The following CLCN3 variants were observed in gnomAD, a reference collection of about 807,000 sequenced individuals.
The protein encoded by CLCN3 is H(+)/Cl(-) exchange transporter 3.
Under a neutral mutation model 83.4 loss-of-function variants are expected in CLCN3, and 16 were observed. The observed-to-expected ratio is 0.19, with a 90% CI of 0.13 to 0.29. The LOEUF (loss-of-function observed/expected upper bound fraction) is 0.29. Among genes scored for constraint, CLCN3 ranks in the 10% least tolerant of loss-of-function variants. The probability of loss-of-function intolerance (pLI) is 1.00; values close to 1 mark genes in which losing one functional copy is unlikely to be tolerated. For synonymous variants in CLCN3, 322 were observed against 346.2 expected (o/e 0.93, Z 0.78); for missense variants, 544 against 1,006.0 (o/e 0.54, Z 6.21).
At chr4:169,624,179 G>A (rs1392987317) in intron 1 of CLCN3, among the ~76,000 whole-genome samples, 1 of 152,090 alleles carries the variant, frequency 6.6e-6, no homozygotes, top group East Asian at 1.9e-4. Flanking sequence ...TGTTACCCCA[G>A]CTGGAGTGTA....
chr4:169,625,345 G>A (rs13132905), intron 1 of CLCN3, among the ~76,000 whole-genome samples: 1 of 152,124 alleles, frequency 6.6e-6, no homozygotes, highest in Admixed American at 6.5e-5. Flanking sequence ...GTGGTCCTCA[G>A]CTGTACCCAG....
chr4:169,636,953 C>T (rs1730222301), intron 2 of CLCN3, among the ~76,000 whole-genome samples: 1 of 151,790 alleles, frequency 6.6e-6, no homozygotes, highest in African/African-American at 2.4e-5. Flanking sequence ...TTCAAAGATA[C>T]TACCAAAGTG....
At chr4:169,694,947 A>G (rs1466860079) in intron 7 of CLCN3, among the ~76,000 whole-genome samples, 1 of 152,220 alleles carries the variant, frequency 6.6e-6, no homozygotes, top group Non-Finnish European at 1.5e-5. Context: ...GAAGTAGACC[A>G]TTACCAACTG....
chr4:169,648,888 G>A (rs377294876), intron 2 of CLCN3, among the ~76,000 whole-genome samples: 3 of 152,178 alleles, frequency 2.0e-5, no homozygotes, highest in South Asian at 4.1e-4. Context: ...TTAGCCAGGT[G>A]TGGTGGTGCA....
At chr4:169,686,028 A>G (rs1236382150) in intron 3 of CLCN3, among the ~76,000 whole-genome samples, 4 of 152,132 alleles carry the variant, frequency 2.6e-5, no homozygotes, top group Non-Finnish European at 5.9e-5. Context: ...TTGTTGGGAC[A>G]TGGATGAAGC....
chr4:169,694,993 T>C (rs1368856622), intron 7 of CLCN3, among the ~76,000 whole-genome samples: 2 of 151,618 alleles, frequency 1.3e-5, no homozygotes, highest in African/African-American at 4.8e-5. Flanking sequence ...CACGGAAGAG[T>C]GTCCTTGGAT....
At chr4:169,693,594 C>T (rs956340121) in intron 7 of CLCN3, among the ~76,000 whole-genome samples, 4 of 152,156 alleles carry the variant, frequency 2.6e-5, no homozygotes, top group African/African-American at 7.2e-5. Context: ...ACTGCCCTTA[C>T]GACTATGTGG....
At chr4:169,707,499 A>T (rs1733039203) in intron 11 of CLCN3, among the ~76,000 whole-genome samples, 1 of 152,178 alleles carries the variant, frequency 6.6e-6, no homozygotes, top group Admixed American at 6.5e-5. Flanking sequence ...ATTGTACCAG[A>T]AATTGGAGTC....
intron 2 of CLCN3, among the ~76,000 whole-genome samples, chr4:169,674,348 TA>T (rs1464348436): frequency 1.3e-5 from 2 of 152,220 alleles, no homozygotes; most frequent in Non-Finnish European, 2.9e-5. Context: ...CCAGAAAGCC[TA>T]AGTGGCATTT....
chr4:169,674,351 G>A (rs1284104813), intron 2 of CLCN3, among the ~76,000 whole-genome samples: 3 of 152,204 alleles, frequency 2.0e-5, no homozygotes, highest in Admixed American at 6.5e-5. Flanking sequence ...GAAAGCCTAA[G>A]TGGCATTTGC....
At chr4:169,653,776 C>T (rs570786077) in intron 2 of CLCN3, among the ~76,000 whole-genome samples, 3 of 151,902 alleles carry the variant, frequency 2.0e-5, no homozygotes, top group Middle Eastern at 3.4e-3. Flanking sequence ...TGGAAGCAGG[C>T]GTGTCACATG....
chr4:169,709,227 GA>G (rs1267378218), intron 11 of CLCN3, among the ~76,000 whole-genome samples: 1 of 150,810 alleles, frequency 6.6e-6, no homozygotes, highest in Non-Finnish European at 1.5e-5. Context: ...ATTGAAGGAT[GA>G]AAAAATTTCC....
At chr4:169,717,650 A>G (rs143547041) in intron 12 of CLCN3, 268 of 492,978 alleles carry the variant, frequency 5.4e-4, no homozygotes, top group African/African-American at 4.9e-3. Context: ...ACTTTAAATC[A>G]TTTTGTTTTT....
At chr4:169,680,005 T>C in intron 2 of CLCN3, 45 bp from the exon 3 acceptor site, 1 of 1,458,076 alleles carries the variant, frequency 6.9e-7, no homozygotes, top group Non-Finnish European at 9.6e-7. Flanking sequence ...TAGCTCACTG[T>C]TGTCTCTTCT....
rs1733590656 is a variant in CLCN3 at position 169,720,380 on chromosome 4, A to T, written c.*383A>T. 2 of 226,672 alleles carry T rather than the reference A, an allele frequency of 8.8e-6. No individual in the cohort carries two copies. The highest frequency in any genetic ancestry group is 4.5e-5 in the African/African-American group (2 of 44,112). The allele number at this position is 226,672 out of a possible 1,614,324, so 14.0% of individuals were successfully genotyped here. On this transcript the variant is annotated 3_prime_UTR_variant, in exon 13 of 13. Transcript: ENST00000513761. ...TCCAACATTGCAAAGACACATTATC[A>T]GTCCCTATTTCTAGAGGGATTACTT...
intron 2 of CLCN3, among the ~76,000 whole-genome samples, chr4:169,638,016 G>A (rs1377114795): frequency 2.6e-5 from 4 of 151,978 alleles, no homozygotes; most frequent in African/African-American, 9.7e-5. Flanking sequence ...ATTTGTTTTT[G>A]TCTTTTATTG....
At chr4:169,656,588 T>A (rs947883653) in intron 2 of CLCN3, among the ~76,000 whole-genome samples, 9 of 152,222 alleles carry the variant, frequency 5.9e-5, no homozygotes, top group African/African-American at 2.2e-4. Context: ...ACCATACTGA[T>A]GGATTGTAAA....
intron 2 of CLCN3, among the ~76,000 whole-genome samples, chr4:169,657,756 A>T (rs1730928865): frequency 6.6e-6 from 1 of 152,048 alleles, no homozygotes; most frequent in African/African-American, 2.4e-5. Flanking sequence ...GCTACTTGTG[A>T]TTTTGGTTCT....
At chr4:169,707,364 G>A in intron 11 of CLCN3, 98 bp downstream of exon 11, 1 of 879,340 alleles carries the variant, frequency 1.1e-6, no homozygotes, top group South Asian at 2.3e-5. Flanking sequence ...ATTTGTGGGG[G>A]CAAGGGACAT....
Sources: allele counts gnomAD v4.1 joint callset (sites outside exome capture counted in the v4.1 genomes callset), GRCh38; gene constraint gnomAD v4.1.1; transcripts MANE v1.5; gene names NCBI Gene and HGNC (gene_info 2026-07-23, HGNC 2026-07-21).